The following IL1RAPL1 variants were observed in gnomAD, a reference collection of about 807,000 sequenced individuals.
IL1RAPL1 encodes the protein interleukin 1 receptor accessory protein like 1.
In IL1RAPL1, 3 loss-of-function variants were observed where a neutral mutation model predicts 48.4. The observed-to-expected ratio is 0.06, with a 90% CI of 0.03 to 0.16. The LOEUF (loss-of-function observed/expected upper bound fraction) is 0.16, where lower values mean the gene tolerates loss of function less well. IL1RAPL1 is among the 10% of genes least tolerant of loss of function. The probability of loss-of-function intolerance (pLI) is 1.00; values close to 1 mark genes in which losing one functional copy is unlikely to be tolerated. For missense variants in IL1RAPL1, 349 were observed against 530.6 expected (o/e 0.66, Z 3.36); for synonymous variants, 185 against 187.7 (o/e 0.99, Z 0.12).
At chrX:28,902,716 G>A (rs764586400) in intron 2 of IL1RAPL1, among the ~76,000 whole-genome samples, 12 of 111,506 alleles carry the variant, frequency 1.1e-4, no homozygotes, top group South Asian at 7.5e-4. Flanking sequence ...CCCAAACGTC[G>A]GGCCACAGAC....
chrX:28,737,166 C>CT (rs1569161818), intron 1 of IL1RAPL1, among the ~76,000 whole-genome samples: 1 of 34,819 alleles, frequency 2.9e-5, no homozygotes, highest in Non-Finnish European at 5.3e-5. Flanking sequence ...TCCTTCCTTC[C>CT]TTCCTTCCTT....
intron 6 of IL1RAPL1, among the ~76,000 whole-genome samples, chrX:29,905,361 T>C (rs938885803): frequency 8.0e-5 from 9 of 111,885 alleles, no homozygotes; most frequent in Non-Finnish European, 1.7e-4. Flanking sequence ...AGAAGCTCTT[T>C]AGTTTAATTA....
intron 1 of IL1RAPL1, among the ~76,000 whole-genome samples, chrX:28,626,046 A>G (rs1054695787): frequency 8.9e-6 from 1 of 112,074 alleles, no homozygotes; most frequent in African/African-American, 3.2e-5. Context: ...AAACACCAGG[A>G]AGATACAGAA....
chrX:29,277,351 C>CA (rs1932136020), intron 2 of IL1RAPL1, among the ~76,000 whole-genome samples: 1 of 111,762 alleles, frequency 8.9e-6, no homozygotes. Flanking sequence ...AAAGAAGATT[C>CA]AAAAACAAGT....
chrX:28,657,889 A>G (rs1355968536), intron 1 of IL1RAPL1, among the ~76,000 whole-genome samples: 2 of 112,196 alleles, frequency 1.8e-5, no homozygotes, highest in Non-Finnish European at 3.8e-5. Context: ...GGCTAACTGG[A>G]GATTTTATAA....
chrX:28,672,991 C>G (rs982534363), intron 1 of IL1RAPL1, among the ~76,000 whole-genome samples: 68 of 111,280 alleles, frequency 6.1e-4, no homozygotes, highest in African/African-American at 2.1e-3. Flanking sequence ...GTGTGTTGTT[C>G]CCTTCTATGT....
At chrX:29,409,626 A>T (rs1230163704) in intron 5 of IL1RAPL1, among the ~76,000 whole-genome samples, 4 of 111,345 alleles carry the variant, frequency 3.6e-5, no homozygotes, top group Non-Finnish European at 7.5e-5. Context: ...AGATGTTTTT[A>T]CTCTTGAGCA....
intron 5 of IL1RAPL1, among the ~76,000 whole-genome samples, chrX:29,422,175 GTTCTCTTTGGAA>G (rs1934298477): frequency 9.0e-6 from 1 of 111,310 alleles, no homozygotes; most frequent in Admixed American, 9.6e-5. Context: ...GTTGTAAATA[GTTCTCTTTGGAA>G]TTTGAATGAG....
At chrX:28,595,704 A>G (rs1933946617) in intron 1 of IL1RAPL1, among the ~76,000 whole-genome samples, 1 of 112,385 alleles carries the variant, frequency 8.9e-6, no homozygotes, top group Non-Finnish European at 1.9e-5. Flanking sequence ...TGAGAGAGTT[A>G]GAATGGTATC....
At chrX:29,478,518 A>G (rs1473474764) in intron 5 of IL1RAPL1, among the ~76,000 whole-genome samples, 3 of 110,578 alleles carry the variant, frequency 2.7e-5, no homozygotes, top group African/African-American at 9.9e-5. Flanking sequence ...TCGTTCCTTT[A>G]TGTCTCAAGA....
intron 2 of IL1RAPL1, among the ~76,000 whole-genome samples, chrX:28,824,861 A>G (rs1028462615): frequency 4.5e-5 from 5 of 111,510 alleles, no homozygotes; most frequent in African/African-American, 1.6e-4. Context: ...TGAAAACCCT[A>G]TTATAGTTAT....
chrX:28,668,274 T>A (rs982671503), intron 1 of IL1RAPL1, among the ~76,000 whole-genome samples: 1 of 111,962 alleles, frequency 8.9e-6, no homozygotes, highest in Non-Finnish European at 1.9e-5. Flanking sequence ...TTTTTTCTTT[T>A]TTGAGACGGA....
At position 29,263,869 on chromosome X, in the gene IL1RAPL1, C is replaced by CT. The variant is rs202159955; in HGVS notation, c.83-19069_83-19068insT. On this transcript the variant is annotated intron_variant, in intron 2 of 10. Transcript: ENST00000378993. ...TCTTTCTCTCTCTCTCTCCCCCCCC[C>CT]CCGCTCTCATAGAGCAATGTTAAAC... Among the ~76,000 whole-genome samples, 92 of 99,870 alleles carry CT rather than the reference C, an allele frequency of 9.2e-4. 1 individual carries two copies. The highest frequency in any genetic ancestry group is 3.4e-3 in the African/African-American group (90 of 26,761). The allele number at this position is 99,870 out of a possible 115,157, so 86.7% of individuals were successfully genotyped here. A position where few individuals can be genotyped will look rare whatever the true frequency, so the allele number is the denominator to read the frequency against.
At chrX:29,226,276 T>A (rs12556524) in intron 2 of IL1RAPL1, among the ~76,000 whole-genome samples, 2 of 109,956 alleles carry the variant, frequency 1.8e-5, no homozygotes, top group Admixed American at 1.9e-4. Context: ...CCTGATGAGA[T>A]GAAATTTGGA....
At chrX:29,622,463 G>A (rs1256954236) in intron 5 of IL1RAPL1, among the ~76,000 whole-genome samples, 3 of 111,867 alleles carry the variant, frequency 2.7e-5, no homozygotes, top group Non-Finnish European at 5.6e-5. Context: ...TGGAGGGATG[G>A]GTAGGTATAG....
At chrX:28,961,581 T>C (rs1223602502) in intron 2 of IL1RAPL1, among the ~76,000 whole-genome samples, 3 of 111,584 alleles carry the variant, frequency 2.7e-5, no homozygotes, top group Non-Finnish European at 5.6e-5. Context: ...CTCCCACTTA[T>C]GAGTGAGAAC....
intron 6 of IL1RAPL1, among the ~76,000 whole-genome samples, chrX:29,729,788 C>G (rs1242741077): frequency 9.0e-6 from 1 of 111,428 alleles, no homozygotes; most frequent in Non-Finnish European, 1.9e-5. Context: ...TGTGAAACTC[C>G]ATAGGCTGGC....
intron 1 of IL1RAPL1, among the ~76,000 whole-genome samples, chrX:28,766,485 A>G (rs946586856): frequency 1.8e-5 from 2 of 111,382 alleles, no homozygotes; most frequent in African/African-American, 6.5e-5. Flanking sequence ...GAAATAATCA[A>G]ATCATGGAGA....
At chrX:28,628,792 C>T (rs1316099689) in intron 1 of IL1RAPL1, among the ~76,000 whole-genome samples, 1 of 112,364 alleles carries the variant, frequency 8.9e-6, no homozygotes, top group Non-Finnish European at 1.9e-5. Context: ...ATTATACACA[C>T]ATCGTTTCTC....
Sources: gnomAD v4.1 joint callset for allele counts (sites outside exome capture counted in the v4.1 genomes callset) on GRCh38, gnomAD v4.1.1 for gene constraint, MANE v1.5 for transcripts, NCBI Gene and HGNC (gene_info 2026-07-23, HGNC 2026-07-21) for gene names.